The following BCAS1 variants were observed in gnomAD, a reference collection of about 807,000 sequenced individuals.
BCAS1 encodes breast carcinoma-amplified sequence 1.
Under a neutral mutation model 65.4 loss-of-function variants are expected in BCAS1, and 46 were observed. The observed-to-expected ratio is 0.70, with a 90% confidence interval of 0.55 to 0.90. The LOEUF (loss-of-function observed/expected upper bound fraction) is 0.90, where lower values mean the gene tolerates loss of function less well. Ranked by LOEUF, BCAS1 falls within the 40% of genes least tolerant of loss-of-function variation. The pLI is 0.00. For missense variants in BCAS1, 793 were observed against 771.2 expected (o/e 1.03, Z -0.33); for synonymous variants, 298 against 293.5 (o/e 1.02, Z -0.16).
chr20:53,958,792 A>G (rs2089781447), intron 10 of BCAS1, among the ~76,000 whole-genome samples: 1 of 152,202 alleles, frequency 6.6e-6, no homozygotes, highest in African/African-American at 2.4e-5. Context: ...AGACAAGGAA[A>G]TGGAAGCTCA....
intron 1 of BCAS1, among the ~76,000 whole-genome samples, chr20:54,067,094 G>A (rs1568940142): frequency 2.0e-5 from 3 of 152,196 alleles, no homozygotes; most frequent in Admixed American, 6.5e-5. Context: ...TGAGGATTAG[G>A]CCGGGCGCTG....
intron 1 of BCAS1, chr20:54,068,483 C>T (rs1212296840): frequency 6.5e-6 from 1 of 154,008 alleles, no homozygotes; most frequent in Non-Finnish European, 1.5e-5. Flanking sequence ...TGCATTTTAT[C>T]CCCCAGGTGC....
chr20:54,036,418 T>C lies in BCAS1; in HGVS notation c.143-7446A>G, dbSNP rs139668016. On this transcript the variant is annotated intron_variant, in intron 3 of 12. Transcript: ENST00000688948. ...GCAGAAAAATATTTTGTGCTGCATG[T>C]TTTTTTAAAGAAAGTCATTTTATCT... Among the ~76,000 whole-genome samples, 1,376 of 151,526 alleles carry C rather than the reference T, an allele frequency of 9.1e-3. 33 individuals are homozygous for C. The highest frequency in any genetic ancestry group is 0.031 in the African/African-American group (1,288 of 41,494).
chr20:54,025,369 G>A (rs1028226527), intron 4 of BCAS1, among the ~76,000 whole-genome samples: 2 of 152,182 alleles, frequency 1.3e-5, no homozygotes, highest in African/African-American at 4.8e-5. Context: ...ACATTGGTTT[G>A]TATGAATCAC....
chr20:54,023,087 T>TA lies in BCAS1; in HGVS notation c.723+5304dup, dbSNP rs574691322. Among the ~76,000 whole-genome samples the TA allele has an allele frequency of 5.3e-5, 8 of 152,346 alleles. No individual in the cohort carries two copies. In the East Asian group the frequency reaches 1.3e-3, roughly 26 times the overall value. On this transcript the variant is annotated intron_variant, in intron 4 of 12. Coordinates refer to ENST00000688948, the MANE Select transcript of BCAS1 (RefSeq NM_001366298.2). ...GACATAAGGCAGAAACAACACAAAA[T>TA]AAAAAACAGTTAATAATTCACTTGG...
At chr20:54,043,512 T>C (rs556960846) in intron 3 of BCAS1, among the ~76,000 whole-genome samples, 1 of 152,256 alleles carries the variant, frequency 6.6e-6, no homozygotes, top group East Asian at 1.9e-4. Context: ...TATTGAAATA[T>C]CTTATTATTG....
At chr20:53,947,486 G>T (rs1413373613) in intron 12 of BCAS1, among the ~76,000 whole-genome samples, 4 of 152,086 alleles carry the variant, frequency 2.6e-5, no homozygotes, top group Admixed American at 6.6e-5. Context: ...TCCCTTTCTG[G>T]TTGCATGACC....
chr20:53,987,453 T>A (rs2090642564), intron 7 of BCAS1, among the ~76,000 whole-genome samples: 1 of 152,214 alleles, frequency 6.6e-6, no homozygotes, highest in Non-Finnish European at 1.5e-5. Flanking sequence ...GTAATTAAAT[T>A]AAAGGGGACT....
chr20:54,012,273 C>A (rs1484396373), intron 4 of BCAS1, among the ~76,000 whole-genome samples: 2 of 152,028 alleles, frequency 1.3e-5, no homozygotes, highest in Non-Finnish European at 2.9e-5. Flanking sequence ...AGTGGATGCA[C>A]CTGAACAGTC....
intron 2 of BCAS1, 59 bp downstream of exon 2, chr20:54,058,587 GA>G: frequency 6.5e-7 from 1 of 1,528,260 alleles, no homozygotes; most frequent in Non-Finnish European, 8.7e-7. Context: ...TCAAATACAG[GA>G]AGTTCTTTTT....
chr20:53,946,750 T>A (rs1024176962), intron 12 of BCAS1, among the ~76,000 whole-genome samples: 1 of 151,416 alleles, frequency 6.6e-6, no homozygotes, highest in African/African-American at 2.4e-5. Flanking sequence ...TAGCAAAGCA[T>A]AATGTACAAT....
intron 4 of BCAS1, among the ~76,000 whole-genome samples, chr20:53,996,461 TAAAAAAAAAAAA>T (rs143929524): frequency 1.1e-5 from 1 of 92,208 alleles, no homozygotes; most frequent in Non-Finnish European, 2.4e-5. Flanking sequence ...TTATATCAAC[TAAAAAAAAAAAA>T]AAAAAAAAAG....
chr20:54,028,938 C>G lies in BCAS1; in HGVS notation c.177G>C (p.Val59=). 2 of 1,613,390 alleles carry G rather than the reference C, an allele frequency of 1.2e-6. No homozygotes were observed. Among genetic ancestry groups the G allele is most frequent in the Non-Finnish European group, 1.7e-6 (2 of 1,179,852 alleles). Residue 59 remains valine (V), a synonymous_variant, in exon 4 of 13, where the codon GTG becomes GTC. Transcript: ENST00000688948. ...CCGTTGTCTCGGGGGAAGAAGTGGCCACATTATCCGTCTTGACACTTATTC... is the reference window on the plus strand; with the variant it reads ...CCGTTGTCTCGGGGGAAGAAGTGGCGACATTATCCGTCTTGACACTTATTC... The part of the protein sequence containing the change: ...DLGISVKTDN[V]ATSSPETTEI...
intron 7 of BCAS1, among the ~76,000 whole-genome samples, chr20:53,986,392 G>T (rs956679173): frequency 6.6e-6 from 1 of 152,146 alleles, no homozygotes; most frequent in Non-Finnish European, 1.5e-5. Context: ...AGAGTTGGGA[G>T]AATTATAGTC....
At position 53,953,821 on chromosome 20, in the gene BCAS1, G is replaced by A. The variant is rs887444655; in HGVS notation, c.1552-126C>T. On this transcript the variant is annotated intron_variant, in intron 11 of 12. Coordinates refer to ENST00000688948, the MANE Select transcript of BCAS1 (RefSeq NM_001366298.2). ...GGTATCTACATTTTCATGAATCCTA[G>A]GTGAAATGAATATAAAAAAAGGTAA... 16 of 1,139,814 alleles carry A rather than the reference G, an allele frequency of 1.4e-5. No homozygotes were observed. The Middle Eastern group carries it at 6.6e-4, about 47-fold the overall frequency. The allele number at this position is 1,139,814 out of a possible 1,614,324, so 70.6% of individuals were successfully genotyped here.
At chr20:53,961,537 C>T (rs887255103) in intron 10 of BCAS1, among the ~76,000 whole-genome samples, 1 of 152,194 alleles carries the variant, frequency 6.6e-6, no homozygotes, top group Non-Finnish European at 1.5e-5. Context: ...AACCTATGTG[C>T]AAGCTTTAAG....
intron 4 of BCAS1, among the ~76,000 whole-genome samples, chr20:54,026,507 G>A (rs550261544): frequency 5.6e-4 from 85 of 152,264 alleles, no homozygotes; most frequent in Middle Eastern, 3.4e-3. Context: ...ATGAGTCACC[G>A]GACACCTGTC....
intron 10 of BCAS1, among the ~76,000 whole-genome samples, chr20:53,965,994 G>A (rs1422755259): frequency 6.6e-6 from 1 of 152,178 alleles, no homozygotes; most frequent in Non-Finnish European, 1.5e-5. Context: ...TTGGCGTGGA[G>A]GTGGTGAAAA....
At chr20:54,057,475 C>T (rs759298041) in intron 3 of BCAS1, among the ~76,000 whole-genome samples, 1 of 152,162 alleles carries the variant, frequency 6.6e-6, no homozygotes. Flanking sequence ...GAGATTGCAA[C>T]CTAGGTCTGC....
Sources: allele counts gnomAD v4.1 joint callset (sites outside exome capture counted in the v4.1 genomes callset), GRCh38; gene constraint gnomAD v4.1.1; transcripts MANE v1.5; gene names NCBI Gene and HGNC (gene_info 2026-07-23, HGNC 2026-07-21).